Variants in MAD1L1 observed in about 807,000 individuals in gnomAD.
MAD1L1 encodes the protein mitotic spindle assembly checkpoint protein MAD1.
MAD1L1 carries 95 observed loss-of-function variants against 96.9 expected under a neutral mutation model. The ratio of observed to expected loss-of-function variants is 0.98; its 90% CI spans 0.83 to 1.16. The LOEUF (loss-of-function observed/expected upper bound fraction) is 1.16, where lower values mean the gene tolerates loss of function less well. MAD1L1 is among the 50% of genes most tolerant of loss of function. The pLI is 0.00. For synonymous variants in MAD1L1, 473 were observed against 396.6 expected (o/e 1.19, Z -2.29); for missense variants, 1,007 against 954.4 (o/e 1.06, Z -0.73).
chr7:2,155,804 T>C (rs1174237206), intron 10 of MAD1L1, among the ~76,000 whole-genome samples: 2 of 152,206 alleles, frequency 1.3e-5, no homozygotes, highest in Admixed American at 6.5e-5. Context: ...CTTTTAATGA[T>C]CTCGGGTGGA....
At chr7:2,086,000 G>A (rs900209021) in intron 11 of MAD1L1, among the ~76,000 whole-genome samples, 6 of 152,156 alleles carry the variant, frequency 3.9e-5, no homozygotes, top group Non-Finnish European at 4.4e-5. Flanking sequence ...CTGGAGGATG[G>A]TGAGACCCAT....
chr7:2,142,751 C>A lies in MAD1L1; in HGVS notation c.1073+6401G>T, dbSNP rs1190855010. Among the ~76,000 whole-genome samples the A allele has an allele frequency of 6.6e-6, 1 of 152,254 alleles. No individual in the cohort carries two copies. Among genetic ancestry groups the A allele is most frequent in the South Asian group, 2.1e-4 (1 of 4,834 alleles). Reference sequence around the variant, plus strand: ...CAACAAGGCCTCTGGCCATGTCAAACCCCAGGGGCCCCCTTATGCCGAGAG... The same window carrying A: ...CAACAAGGCCTCTGGCCATGTCAAAACCCAGGGGCCCCCTTATGCCGAGAG... On this transcript the variant is annotated intron_variant, in intron 11 of 18. Coordinates refer to ENST00000265854, the MANE Select transcript of MAD1L1 (RefSeq NM_001013836.2). The surrounding 1 kb of genome is among the most constrained non-coding windows in gnomAD (Gnocchi z 4.7).
intron 16 of MAD1L1, chr7:1,940,264 G>A (rs985690777): frequency 1.3e-5 from 2 of 152,276 alleles, no homozygotes; most frequent in African/African-American, 2.4e-5. Flanking sequence ...CCCTGCCGCT[G>A]GGCCGGGGCA....
chr7:1,964,892 G>A (rs1780096182), intron 15 of MAD1L1, among the ~76,000 whole-genome samples: 1 of 152,218 alleles, frequency 6.6e-6, no homozygotes, highest in Non-Finnish European at 1.5e-5. Context: ...CTGGGGCCTG[G>A]AGAGGGGACA....
At chr7:2,138,250 A>T (rs1788855005) in intron 11 of MAD1L1, among the ~76,000 whole-genome samples, 1 of 152,164 alleles carries the variant, frequency 6.6e-6, no homozygotes, top group Admixed American at 6.5e-5. Flanking sequence ...TCCAAAGGGA[A>T]GGAGAAAGGA....
At chr7:2,156,463 C>G (rs1275081459) in intron 10 of MAD1L1, among the ~76,000 whole-genome samples, 1 of 151,630 alleles carries the variant, frequency 6.6e-6, no homozygotes, top group Admixed American at 6.6e-5. Flanking sequence ...AGGGGCTGCA[C>G]ACAAACTCCC....
chr7:2,161,703 G>A (rs1390060284), intron 10 of MAD1L1, among the ~76,000 whole-genome samples: 3 of 147,574 alleles, frequency 2.0e-5, no homozygotes, highest in African/African-American at 5.1e-5. Context: ...TGTGGGGAGC[G>A]CCTCTGCCCC....
chr7:2,164,788 A>G (rs1217413175), intron 10 of MAD1L1, among the ~76,000 whole-genome samples: 2 of 152,220 alleles, frequency 1.3e-5, no homozygotes, highest in Non-Finnish European at 2.9e-5. Flanking sequence ...CAAGGACACT[A>G]CATGGACAAA....
Position 1,965,000 on chromosome 7 carries a change from G to A in MAD1L1, c.1506-7281C>T, listed in dbSNP as rs1336289036. The stretch of plus-strand genomic sequence containing the variant: ...CGGGTCCCAGACCCCTGCACTGCCC[G>A]CCAGCCCCTCCCCAGTGGGCCTTGA... On this transcript the variant is annotated intron_variant, in intron 15 of 18. Coordinates refer to ENST00000265854, the MANE Select transcript of MAD1L1 (RefSeq NM_001013836.2). 2.6e-5 allele frequency among the ~76,000 whole-genome samples: 4 copies of A among 152,128 alleles called. No homozygotes were observed. In the East Asian group the frequency reaches 5.8e-4, roughly 22 times the overall value.
At chr7:2,098,528 A>T (rs909244536) in intron 11 of MAD1L1, among the ~76,000 whole-genome samples, 1 of 152,172 alleles carries the variant, frequency 6.6e-6, no homozygotes, top group Admixed American at 6.5e-5. Flanking sequence ...CACCCAAGCC[A>T]TCATGTGTAT....
chr7:1,869,973 C>T (rs2128654673), intron 18 of MAD1L1, among the ~76,000 whole-genome samples: 1 of 152,300 alleles, frequency 6.6e-6, no homozygotes, highest in East Asian at 1.9e-4. Context: ...CCAAGGGGTG[C>T]CTCGCCCGTG....
At chr7:2,172,346 T>C (rs1332752128) in intron 10 of MAD1L1, among the ~76,000 whole-genome samples, 1 of 152,120 alleles carries the variant, frequency 6.6e-6, no homozygotes, top group South Asian at 2.1e-4. Flanking sequence ...CAGAATCCCA[T>C]GTGAACCCCA....
At chr7:2,132,550 G>A (rs1348743016) in intron 11 of MAD1L1, among the ~76,000 whole-genome samples, 2 of 152,198 alleles carry the variant, frequency 1.3e-5, no homozygotes, top group African/African-American at 2.4e-5. Flanking sequence ...GTCCGCCTGC[G>A]CATCCCTCTT....
intron 18 of MAD1L1, among the ~76,000 whole-genome samples, chr7:1,887,535 G>GTGGC (rs1786151264): frequency 6.6e-6 from 1 of 151,560 alleles, no homozygotes; most frequent in Non-Finnish European, 1.5e-5. Context: ...GTGTCTGCAT[G>GTGGC]TGGCTGCCTG....
chr7:2,011,359 C>T (rs1037329715), intron 13 of MAD1L1, among the ~76,000 whole-genome samples: 1 of 152,226 alleles, frequency 6.6e-6, no homozygotes, highest in Non-Finnish European at 1.5e-5. Flanking sequence ...TGGAGCATAG[C>T]ACTCCTGCTG....
At chr7:2,050,212 C>T (rs112507937) in intron 12 of MAD1L1, among the ~76,000 whole-genome samples, 5 of 151,590 alleles carry the variant, frequency 3.3e-5, no homozygotes, top group South Asian at 2.1e-4. Flanking sequence ...CACACGTTCA[C>T]GGGGCACCTC....
chr7:2,207,099 ATTTT>A (rs1792636802), intron 10 of MAD1L1, among the ~76,000 whole-genome samples: 1 of 151,956 alleles, frequency 6.6e-6, no homozygotes, highest in Admixed American at 6.6e-5. Context: ...AAAAAAAGAA[ATTTT>A]AGAGATCAGT....
chr7:1,830,346 G>A (rs187230019), intron 18 of MAD1L1, among the ~76,000 whole-genome samples: 233 of 152,250 alleles, frequency 1.5e-3, no homozygotes, highest in African/African-American at 4.3e-3. Context: ...GCAGTGAGCC[G>A]AGATCGTGCC....
At chr7:1,899,580 G>T (rs73048124) in intron 17 of MAD1L1, among the ~76,000 whole-genome samples, 1 of 152,210 alleles carries the variant, frequency 6.6e-6, no homozygotes, top group Admixed American at 6.5e-5. Context: ...CATATGGTTG[G>T]AGAGAACAAG....
Sources: allele counts gnomAD v4.1 joint callset (sites outside exome capture counted in the v4.1 genomes callset), GRCh38; gene constraint gnomAD v4.1.1; non-coding constraint Gnocchi (gnomAD v3.1); transcripts MANE v1.5; gene names NCBI Gene and HGNC (gene_info 2026-07-23, HGNC 2026-07-21).